Variants in RAP1B observed in about 807,000 individuals in gnomAD.
RAP1B encodes the protein ras-related protein Rap-1b.
In RAP1B, 1 loss-of-function variant was observed where a neutral mutation model predicts 27.5. The observed-to-expected ratio is 0.04, with a 90% CI of 0.01 to 0.17. The LOEUF (loss-of-function observed/expected upper bound fraction) is 0.17. Among genes scored for constraint, RAP1B ranks in the 10% least tolerant of loss-of-function variants. RAP1B has a pLI of 1.00. For synonymous variants in RAP1B, 75 were observed against 73.1 expected, an observed-to-expected ratio of 1.03 and a Z score of -0.13; for missense variants, 84 against 214.8, an observed-to-expected ratio of 0.39 and a Z score of 3.81.
In RAP1B at chr12:68,616,539, A is replaced by G. The variant is rs2135910732; in HGVS notation, c.-27+5496A>G. Among the ~76,000 whole-genome samples, 3 of 140,432 alleles carry G rather than the reference A, an allele frequency of 2.1e-5. No individual in the cohort carries two copies. In the South Asian group the frequency reaches 6.7e-4, roughly 31 times the overall value. The allele number at this position is 140,432 out of a possible 152,430, so 92.1% of individuals were successfully genotyped here. On this transcript the variant is annotated intron_variant, in intron 1 of 7. Transcript: ENST00000250559. The stretch of plus-strand genomic sequence containing the variant: ...TCAGCTCACTGCAACCTCCGCCTCC[A>G]GGTTCAAGCAGATCTCCTGCCTTAG...
intron 1 of RAP1B, among the ~76,000 whole-genome samples, chr12:68,638,908 G>A (rs146624168): frequency 6.6e-6 from 1 of 152,084 alleles, no homozygotes; most frequent in South Asian, 2.1e-4. Flanking sequence ...TGATCTGCCT[G>A]CCTCGGCCCC....
chr12:68,624,794 G>C (rs900875764), intron 1 of RAP1B: 13 of 152,442 alleles, frequency 8.5e-5, no homozygotes. Flanking sequence ...CAGCCTAGGC[G>C]ACAGAGTGAG....
intron 1 of RAP1B, among the ~76,000 whole-genome samples, chr12:68,631,657 C>A (rs1592437426): frequency 6.6e-6 from 1 of 152,086 alleles, no homozygotes; most frequent in Non-Finnish European, 1.5e-5. Context: ...TGCCTTTGCT[C>A]TCACTTTTCT....
At chr12:68,658,063 C>T (rs2468402) in intron 7 of RAP1B, among the ~76,000 whole-genome samples, 116,212 of 152,220 alleles carry the variant, frequency 0.76, 45,304 homozygotes, top group African/African-American at 0.92. Context: ...TTAGCTGCTG[C>T]TGTTTGCCAA....
intron 7 of RAP1B, 24 bp downstream of exon 7, chr12:68,657,241 A>G (rs1874270892): frequency 6.8e-7 from 1 of 1,462,554 alleles, no homozygotes; most frequent in South Asian, 1.2e-5. Flanking sequence ...TCTTTCCTCT[A>G]ACTTTTAATC....
rs984753412 is a variant in RAP1B at position 68,654,357 on chromosome 12, G to GA, written c.324+105_324+106insA. The GA allele has an allele frequency of 5.8e-5, 26 of 451,376 alleles. 4 individuals carry two copies. The South Asian group carries it at 7.7e-4, about 13-fold the overall frequency. The allele number at this position is 451,376 out of a possible 1,614,324, so 28.0% of individuals were successfully genotyped here. On this transcript the variant is annotated intron_variant, in intron 5 of 7. Coordinates refer to ENST00000250559, the MANE Select transcript of RAP1B (RefSeq NM_001010942.3). The stretch of plus-strand genomic sequence containing the variant: ...AAAGCTTGTGTATTTTGGTTGGGGG[G>GA]GGGGTGTTGGTTTTTTTAAACTTTT...
chr12:68,612,802 G>C (rs571234617), intron 1 of RAP1B, among the ~76,000 whole-genome samples: 2 of 151,618 alleles, frequency 1.3e-5, no homozygotes, highest in Non-Finnish European at 2.9e-5. Context: ...ACTACGTTAG[G>C]TGTTTTCACT....
intron 1 of RAP1B, 162 bp downstream of exon 1, chr12:68,611,205 C>T (rs1392396854): frequency 2.1e-5 from 3 of 146,290 alleles, no homozygotes; most frequent in Non-Finnish European, 4.6e-5. Flanking sequence ...GCAGGTGGCG[C>T]GAGGGCCAGG....
At chr12:68,643,102 A>T in intron 1 of RAP1B, 2 of 606,526 alleles carry the variant, frequency 3.3e-6, no homozygotes, top group Non-Finnish European at 5.8e-6. Flanking sequence ...TGTTGATTAT[A>T]GTTTTTGTTT....
Position 68,669,630 on chromosome 12 carries a change from G to T in RAP1B, c.*10381G>T, listed in dbSNP as rs577165016. ...ATCCTGGCTAACATGGTGAAACCCCGTCTCTACTAAAAATACAAAAATTAG... is the reference window on the plus strand; with the variant it reads ...ATCCTGGCTAACATGGTGAAACCCCTTCTCTACTAAAAATACAAAAATTAG... On this transcript the variant is annotated 3_prime_UTR_variant, in exon 8 of 8. Coordinates refer to ENST00000250559, the MANE Select transcript of RAP1B (RefSeq NM_001010942.3). The T allele has an allele frequency of 1.3e-5, 2 of 152,290 alleles. No homozygotes were observed. Among genetic ancestry groups the T allele is most frequent in the African/African-American group, 4.8e-5 (2 of 41,496 alleles). 9.4% of individuals were successfully genotyped at this position (152,290 alleles called of 1,614,324 possible).
At chr12:68,627,153 T>C in intron 1 of RAP1B, 3 of 1,569,426 alleles carry the variant, frequency 1.9e-6, no homozygotes, top group Non-Finnish European at 2.6e-6. Context: ...GCCCTGGGGC[T>C]TCCCAAAGGC....
chr12:68,649,078 G>T, intron 2 of RAP1B: 1 of 280,388 alleles, frequency 3.6e-6, no homozygotes, highest in Non-Finnish European at 6.6e-6. Flanking sequence ...GAGCCAGATA[G>T]GAATAAATTT....
At chr12:68,624,035 A>G (rs1871574987) in intron 1 of RAP1B, among the ~76,000 whole-genome samples, 1 of 152,174 alleles carries the variant, frequency 6.6e-6, no homozygotes, top group South Asian at 2.1e-4. Context: ...AAAAAAAAAA[A>G]AAAAGAGAGA....
At chr12:68,658,858 T>A (rs1874419436) in intron 7 of RAP1B, among the ~76,000 whole-genome samples, 1 of 152,242 alleles carries the variant, frequency 6.6e-6, no homozygotes, top group Non-Finnish European at 1.5e-5. Flanking sequence ...ATACTTATGA[T>A]CTAATTCTAG....
intron 1 of RAP1B, among the ~76,000 whole-genome samples, chr12:68,645,736 A>G (rs946545485): frequency 1.4e-4 from 22 of 152,264 alleles, no homozygotes; most frequent in Middle Eastern, 3.2e-3. Context: ...GGCATTCGCA[A>G]TAAAAATCTG....
In RAP1B at chr12:68,652,120, C is replaced by A. The variant is rs367798328; in HGVS notation, c.183+69C>A. 8 of 1,182,688 alleles carry A rather than the reference C, an allele frequency of 6.8e-6. No individual in the cohort carries two copies. In the African/African-American group the frequency reaches 1.2e-4, roughly 18 times the overall value. 73.3% of individuals were successfully genotyped at this position (1,182,688 alleles called of 1,614,324 possible). ...TATTGACTTCATAAATGCTAGTACT[C>A]TATAGACAAATATTAGTTAAGCTTA... is the stretch of plus-strand genomic sequence containing the variant. On this transcript the variant is annotated intron_variant, in intron 4 of 7. Transcript: ENST00000250559.
rs1167823916 is a variant in RAP1B, at chr12:68,664,688, A to C, written c.*5439A>C. ...CACACCACTGCACTTCAGCATGGGCAACAGAGTGAGACTGCAAAAAAAAGA... is the reference window on the plus strand; with the variant it reads ...CACACCACTGCACTTCAGCATGGGCCACAGAGTGAGACTGCAAAAAAAAGA... On this transcript the variant is annotated 3_prime_UTR_variant, in exon 8 of 8. Transcript: ENST00000250559. 1 of 151,602 alleles carries C rather than the reference A, an allele frequency of 6.6e-6. No homozygotes were observed. Among genetic ancestry groups the C allele is most frequent in the African/African-American group, 2.4e-5 (1 of 41,366 alleles). The allele number at this position is 151,602 out of a possible 1,614,324, so 9.4% of individuals were successfully genotyped here.
intron 1 of RAP1B, among the ~76,000 whole-genome samples, chr12:68,643,910 C>T (rs1293653853): frequency 4.6e-5 from 7 of 152,062 alleles, no homozygotes; most frequent in African/African-American, 1.7e-4. Flanking sequence ...TTCCCTATCC[C>T]CCCACCTTGT....
intron 1 of RAP1B, among the ~76,000 whole-genome samples, chr12:68,645,313 T>C (rs930141249): frequency 6.6e-6 from 1 of 152,216 alleles, no homozygotes; most frequent in Non-Finnish European, 1.5e-5. Context: ...GAAACTTAGG[T>C]ACCATTAGCC....
Sources: gnomAD v4.1 joint callset for allele counts (sites outside exome capture counted in the v4.1 genomes callset) on GRCh38, gnomAD v4.1.1 for gene constraint, MANE v1.5 for transcripts, NCBI Gene and HGNC (gene_info 2026-07-23, HGNC 2026-07-21) for gene names.